Variants in BOLL observed in about 807,000 individuals in gnomAD.
The protein encoded by BOLL is boule RNA binding protein.
A neutral mutation model predicts 44.4 loss-of-function variants in BOLL; 23 were observed. That is an observed-to-expected ratio of 0.52 (90% CI 0.37 to 0.73). The LOEUF is 0.73. Among genes scored for constraint, BOLL ranks in the 30% least tolerant of loss-of-function variants. BOLL has a pLI of 0.00. For synonymous variants in BOLL, 97 were observed against 110.8 expected (o/e 0.88, Z 0.78); for missense variants, 287 against 338.3 (o/e 0.85, Z 1.19).
rs148574461 is a variant in BOLL at position 197,727,996 on chromosome 2, G to T, written c.*559C>A. The T allele has an allele frequency of 2.6e-5, 4 of 152,490 alleles. No individual in the cohort carries two copies. The East Asian group carries it at 7.5e-4, about 29-fold the overall frequency. The allele number at this position is 152,490 out of a possible 1,614,324, so 9.4% of individuals were successfully genotyped here. A position where few individuals can be genotyped will look rare whatever the true frequency, so the allele number is the denominator to read the frequency against. The stretch of plus-strand genomic sequence containing the variant: ...CATGGCAGACGCAAAATTAAATAAG[G>T]AGTAACAGTAATAAATGAATTAAAA... On this transcript the variant is annotated 3_prime_UTR_variant, in exon 11 of 11. Transcript: ENST00000392296.
intron 5 of BOLL, 56 bp downstream of exon 5, chr2:197,775,609 T>C: frequency 8.8e-7 from 1 of 1,142,182 alleles, no homozygotes; most frequent in African/African-American, 1.6e-5. Flanking sequence ...AAGTCTTATA[T>C]TTCAAAAAAG....
At chr2:197,758,903 T>G in intron 7 of BOLL, 1 of 1,509,724 alleles carries the variant, frequency 6.6e-7, no homozygotes, top group South Asian at 1.2e-5. Flanking sequence ...TGCTAAAGAC[T>G]TTTTAGATCT....
intron 9 of BOLL, among the ~76,000 whole-genome samples, chr2:197,753,712 G>T (rs537418098): frequency 6.6e-6 from 1 of 152,332 alleles, no homozygotes; most frequent in East Asian, 1.9e-4. Flanking sequence ...TTCAACCACT[G>T]TGGAAGACAG....
At chr2:197,772,921 AG>A (rs749002375) in intron 5 of BOLL, among the ~76,000 whole-genome samples, 7 of 151,952 alleles carry the variant, frequency 4.6e-5, no homozygotes, top group Non-Finnish European at 8.8e-5. Flanking sequence ...AGAGATTTTG[AG>A]TCAGTAAATC....
intron 10 of BOLL, among the ~76,000 whole-genome samples, chr2:197,740,969 T>G (rs1329570562): frequency 6.6e-6 from 1 of 152,162 alleles, no homozygotes; most frequent in African/African-American, 2.4e-5. Context: ...TGAGGGCTCT[T>G]TTTTGGTTCC....
intron 10 of BOLL, among the ~76,000 whole-genome samples, chr2:197,737,310 C>A (rs1176126019): frequency 6.6e-6 from 1 of 151,990 alleles, no homozygotes; most frequent in Non-Finnish European, 1.5e-5. Context: ...GAATGGGGAT[C>A]TACTCATGAC....
At position 197,776,959 on chromosome 2, in the gene BOLL, T is replaced by C. The variant is rs941170540; in HGVS notation, c.276+100A>G. The C allele has an allele frequency of 4.3e-6, 4 of 936,914 alleles. No homozygotes were observed. In the African/African-American group the frequency reaches 5.2e-5, roughly 12 times the overall value. The allele number at this position is 936,914 out of a possible 1,614,324, so 58.0% of individuals were successfully genotyped here. On this transcript the variant is annotated intron_variant, in intron 4 of 10. Transcript: ENST00000392296. Reference sequence around the variant, plus strand: ...CAATGCCAATCTTAAGATGCAAACCTTTTTTAAAAAGCAGTTGATTATTGT... The same window carrying C: ...CAATGCCAATCTTAAGATGCAAACCCTTTTTAAAAAGCAGTTGATTATTGT...
intron 10 of BOLL, among the ~76,000 whole-genome samples, chr2:197,741,314 T>C (rs1687720655): frequency 6.6e-6 from 1 of 152,198 alleles, no homozygotes; most frequent in Admixed American, 6.6e-5. Flanking sequence ...ATACTTGTGA[T>C]GTTTGTACAT....
chr2:197,756,932 T>C lies in BOLL; in HGVS notation c.601-376A>G, dbSNP rs375059924. Among the ~76,000 whole-genome samples, 71 of 152,266 alleles carry C rather than the reference T, an allele frequency of 4.7e-4. 1 individual carries two copies. In the East Asian group the frequency reaches 0.012, roughly 26 times the overall value. On this transcript the variant is annotated intron_variant, in intron 8 of 10. Coordinates refer to ENST00000392296, the MANE Select transcript of BOLL (RefSeq NM_033030.6). ...GTGACTTCTAATGAAAGTGGGAAAA[T>C]GTGAAACTTTTTTGGTGAAGTACTA...
At chr2:197,759,905 A>G (rs1008750278) in intron 7 of BOLL, among the ~76,000 whole-genome samples, 1 of 152,046 alleles carries the variant, frequency 6.6e-6, no homozygotes, top group East Asian at 1.9e-4. Flanking sequence ...TACCCTGTGC[A>G]TGCAATTAGA....
At chr2:197,740,978 C>A (rs1687704239) in intron 10 of BOLL, among the ~76,000 whole-genome samples, 1 of 151,968 alleles carries the variant, frequency 6.6e-6, no homozygotes, top group South Asian at 2.1e-4. Context: ...TTTTTTGGTT[C>A]CATATGAACT....
Position 197,765,860 on chromosome 2 carries a change from A to G in BOLL, c.552+672T>C, listed in dbSNP as rs371892591. Among the ~76,000 whole-genome samples, 3 of 151,274 alleles carry G rather than the reference A, an allele frequency of 2.0e-5. No homozygotes were observed. The East Asian group carries it at 5.8e-4, about 29-fold the overall frequency. On this transcript the variant is annotated intron_variant, in intron 7 of 10. Coordinates refer to ENST00000392296, the MANE Select transcript of BOLL (RefSeq NM_033030.6). ...TCCCTCTTCCCACCCTCCACCCTCA[A>G]GTAGACCCCAGTGTCTACTGTTCCC...
chr2:197,768,608 G>A (rs1246952951), intron 6 of BOLL, among the ~76,000 whole-genome samples: 1 of 151,604 alleles, frequency 6.6e-6, no homozygotes, highest in African/African-American at 2.4e-5. Flanking sequence ...AGGTGGATTA[G>A]TCGATACATA....
chr2:197,785,971 C>T, upstream of BOLL: 3 of 1,598,960 alleles, frequency 1.9e-6, no homozygotes, highest in Non-Finnish European at 2.6e-6. This position sits in a 1 kb window ranked among gnomAD's most constrained non-coding sequence, Gnocchi z 6.7. Context: ...GGGCCCTGAT[C>T]GCCGTACTCA....
At position 197,777,091 on chromosome 2, in the gene BOLL, T is replaced by G. The variant is rs778337759; in HGVS notation, c.244A>C (p.Thr82Pro). 1 of 1,572,450 alleles carries G rather than the reference T, an allele frequency of 6.4e-7. No homozygotes were observed. Among genetic ancestry groups the G allele is most frequent in the Admixed American group, 1.7e-5 (1 of 58,224 alleles). ...AAAATTTTTTGTGCATCTTCTTGTGTTTCAAAAGTGACGAAACCATACCTA... is the reference window on the plus strand; with the variant it reads ...AAAATTTTTTGTGCATCTTCTTGTGGTTCAAAAGTGACGAAACCATACCTA... Reference protein sequence around the residue: ...SKGYGFVTFETQEDAQKILQE... With the variant: ...SKGYGFVTFEPQEDAQKILQE... The change falls in exon 4 of 11, where the codon ACA becomes CCA. Residue 82 changes from threonine (T) to proline (P), a missense_variant. Physicochemically the swap from Thr to Pro is conservative, Grantham distance 38 (BLOSUM62 -1). Transcript: ENST00000392296.
intron 1 of BOLL, among the ~76,000 whole-genome samples, chr2:197,783,223 G>C (rs1559001559): frequency 1.3e-5 from 2 of 152,144 alleles, no homozygotes; most frequent in Non-Finnish European, 2.9e-5. Context: ...GGGAGGCTGA[G>C]GCAGGAGGAT....
chr2:197,783,006 GA>G (rs879714173), intron 1 of BOLL, among the ~76,000 whole-genome samples: 18 of 151,358 alleles, frequency 1.2e-4, no homozygotes, highest in African/African-American at 1.7e-4. Context: ...AGGTATAACT[GA>G]AAAAAAACCC....
At chr2:197,783,906 C>G (rs1360919068) in intron 1 of BOLL, among the ~76,000 whole-genome samples, 6 of 152,224 alleles carry the variant, frequency 3.9e-5, no homozygotes, top group African/African-American at 1.4e-4. Flanking sequence ...ATGAAATTCT[C>G]TTATTGAAAA....
At chr2:197,775,911 G>C (rs1271206134) in intron 4 of BOLL, among the ~76,000 whole-genome samples, 171 bp from the exon 5 acceptor site, 1 of 151,860 alleles carries the variant, frequency 6.6e-6, no homozygotes, top group Non-Finnish European at 1.5e-5. Context: ...ATCTGGGTCT[G>C]ACCGCAATTC....
Sources: gnomAD v4.1 joint callset for allele counts (sites outside exome capture counted in the v4.1 genomes callset) on GRCh38, gnomAD v4.1.1 for gene constraint, Gnocchi (gnomAD v3.1) non-coding constraint, MANE v1.5 for transcripts, NCBI Gene and HGNC (gene_info 2026-07-23, HGNC 2026-07-21) for gene names.